RGS20: variants seen among roughly 807,000 people sequenced by gnomAD.
RGS20 encodes gz-selective GTPase-activating protein.
A neutral mutation model predicts 33.6 loss-of-function variants in RGS20; 30 were observed. That is an observed-to-expected ratio of 0.89 (90% CI 0.67 to 1.21). The LOEUF (loss-of-function observed/expected upper bound fraction) is 1.21, where lower values mean the gene tolerates loss of function less well. RGS20 is among the 50% of genes most tolerant of loss of function. The probability of loss-of-function intolerance (pLI) is 0.00; values close to 1 mark genes in which losing one functional copy is unlikely to be tolerated. For missense variants in RGS20, 472 were observed against 502.4 expected (o/e 0.94, Z 0.58); for synonymous variants, 208 against 197.9 (o/e 1.05, Z -0.43).
intron 2 of RGS20, among the ~76,000 whole-genome samples, chr8:53,902,645 C>G (rs141328375): frequency 6.9e-4 from 105 of 152,228 alleles, no homozygotes; most frequent in African/African-American, 2.5e-3. Flanking sequence ...TGCACTGGCT[C>G]ATTACACTGA....
rs113719479 is a variant in RGS20, at chr8:53,870,895, G to A, written c.166-8363G>A. 4.0e-3 allele frequency among the ~76,000 whole-genome samples: 612 copies of A among 151,538 alleles called. 6 individuals are homozygous for A. The highest frequency in any genetic ancestry group is 0.016 in the Admixed American group (237 of 15,232). ...TGGGAGGCTGAGGTAGGTGGTTCAC[G>A]AGCTCAGGAGTTCAAGACCAGCCTG... is the stretch of plus-strand genomic sequence containing the variant. On this transcript the variant is annotated intron_variant, in intron 1 of 5. Transcript: ENST00000297313.
rs532593623 is a variant in RGS20, at chr8:53,880,962, C to T, written c.510+1360C>T. ...GAAAGGCGCGGTGAGCAATCGCCGA[C>T]GTAGAGAGGGCAGCCCTCCGCGCTG... is the stretch of plus-strand genomic sequence containing the variant. On this transcript the variant is annotated intron_variant, in intron 2 of 5. The change creates a new upstream start codon in the 5' untranslated region. Coordinates refer to ENST00000297313, the MANE Select transcript of RGS20 (RefSeq NM_170587.4). The T allele has an allele frequency of 3.2e-6, 5 of 1,577,752 alleles. No homozygotes were observed. Among genetic ancestry groups the T allele is most frequent in the South Asian group, 1.1e-5 (1 of 87,566 alleles).
chr8:53,902,039 T>G (rs1325375606), intron 2 of RGS20, among the ~76,000 whole-genome samples: 3 of 151,934 alleles, frequency 2.0e-5, no homozygotes, highest in Non-Finnish European at 4.4e-5. Context: ...TTTCTTTGAG[T>G]CAGGGTCTCG....
chr8:53,873,678 G>T (rs1237953553), intron 1 of RGS20, among the ~76,000 whole-genome samples: 1 of 152,174 alleles, frequency 6.6e-6, no homozygotes, highest in East Asian at 1.9e-4. Flanking sequence ...ATTCTATGGA[G>T]GGAGCAATAA....
chr8:53,937,933 G>A (rs1313321717), intron 2 of RGS20, among the ~76,000 whole-genome samples: 3 of 152,228 alleles, frequency 2.0e-5, no homozygotes, highest in Non-Finnish European at 4.4e-5. Context: ...TACACTGTTA[G>A]TGGGAGTGTA....
chr8:53,881,145 G>A (rs1048119763), intron 2 of RGS20, 61 bp downstream of exon 1: 2 of 1,298,008 alleles, frequency 1.5e-6, no homozygotes, highest in Non-Finnish European at 2.0e-6. Flanking sequence ...GAGGCTTCGT[G>A]CTGGAAAGTG....
chr8:53,867,658 T>TCTTCCTTCCTTCCTTCCTTCCTTC (rs3083109), intron 1 of RGS20, among the ~76,000 whole-genome samples: 1 of 143,220 alleles, frequency 7.0e-6, no homozygotes, highest in African/African-American at 2.6e-5. Flanking sequence ...ACGGAAGTAG[T>TCTTCCTTCCTTCCTTCCTTCCTTC]CTTCCTTCCT....
intron 2 of RGS20, among the ~76,000 whole-genome samples, chr8:53,907,722 C>T (rs557727413): frequency 3.4e-4 from 52 of 152,198 alleles, no homozygotes; most frequent in African/African-American, 1.2e-3. Flanking sequence ...TCCTGCATCT[C>T]ATGGCTTCTT....
rs3083109 is a variant in RGS20 at position 53,867,658 on chromosome 8, TCTTCCTTCCTTC to T, written c.166-11564_166-11553del. On this transcript the variant is annotated intron_variant, in intron 1 of 5. Transcript: ENST00000297313. Reference sequence around the variant, plus strand: ...GTAAATCCAACCATTACGGAAGTAGTCTTCCTTCCTTCCTTCCTTCCTTCCTTCCTTCCTTCC... The same window carrying T: ...GTAAATCCAACCATTACGGAAGTAGTCTTCCTTCCTTCCTTCCTTCCTTCC... Among the ~76,000 whole-genome samples, 91 of 143,332 alleles carry T rather than the reference TCTTCCTTCCTTC, an allele frequency of 6.3e-4. 2 individuals are homozygous for T. The highest frequency in any genetic ancestry group is 1.4e-3 in the African/African-American group (52 of 38,258). 94.0% of individuals were successfully genotyped at this position (143,332 alleles called of 152,430 possible).
At chr8:53,865,185 G>A (rs368213315) in intron 1 of RGS20, among the ~76,000 whole-genome samples, 16 of 152,342 alleles carry the variant, frequency 1.1e-4, no homozygotes, top group South Asian at 4.1e-4. Context: ...TGTTCTTGCC[G>A]TCTTGTTTGT....
At chr8:53,853,147 T>C (rs912048241) in intron 1 of RGS20, among the ~76,000 whole-genome samples, 3 of 152,146 alleles carry the variant, frequency 2.0e-5, no homozygotes, top group Non-Finnish European at 2.9e-5. Flanking sequence ...AGGCGACACA[T>C]GCAAAAGATA....
chr8:53,853,749 C>T (rs1811616031), intron 1 of RGS20, among the ~76,000 whole-genome samples: 1 of 152,154 alleles, frequency 6.6e-6, no homozygotes. Context: ...TTTCTAGAGA[C>T]TTACTGTGTA....
Position 53,958,306 on chromosome 8 carries a change from A to G in RGS20, c.1015A>G (p.Arg339Gly). The stretch of plus-strand genomic sequence containing the variant: ...CTCCCGGGTGAGAGAAGTGATCAAC[A>G]GAAACATGGTGGAGCCATCCCAACA... Residue 339 changes from arginine to glycine, a missense_variant, in exon 6 of 6, where the codon AGA becomes GGA. Arg to Gly is a moderately radical substitution (Grantham distance 125, BLOSUM62 -2). This residue lies in a region of RGS20 where 125 missense variants were observed against 169.5 expected (regional missense o/e 0.74). Transcript: ENST00000297313. 6.2e-7 allele frequency: 1 copy of G among 1,613,492 alleles called. No individual in the cohort carries two copies. Among genetic ancestry groups the G allele is most frequent in the Admixed American group, 1.7e-5 (1 of 59,930 alleles).
At chr8:53,891,439 C>G (rs1283976283) in intron 2 of RGS20, among the ~76,000 whole-genome samples, 7 of 152,024 alleles carry the variant, frequency 4.6e-5, no homozygotes, top group Non-Finnish European at 1.0e-4. Context: ...GCCAACATAG[C>G]AAAACCTCAT....
intron 1 of RGS20, among the ~76,000 whole-genome samples, chr8:53,864,793 T>C (rs1811885304): frequency 6.6e-6 from 1 of 152,242 alleles, no homozygotes. Context: ...ACTGAAATTG[T>C]TAAAATCTTT....
At chr8:53,946,436 T>G in intron 3 of RGS20, 1 of 524,966 alleles carries the variant, frequency 1.9e-6, no homozygotes, top group Non-Finnish European at 3.4e-6. Flanking sequence ...CACAATAATT[T>G]CTAACTCTTT....
chr8:53,913,939 C>T (rs1053496997), intron 2 of RGS20: 1 of 152,190 alleles, frequency 6.6e-6, no homozygotes, highest in African/African-American at 2.4e-5. Context: ...CGATCACTTA[C>T]TGAGCTCTGG....
At chr8:53,891,134 T>A (rs527245115) in intron 2 of RGS20, among the ~76,000 whole-genome samples, 8 of 152,302 alleles carry the variant, frequency 5.3e-5, no homozygotes, top group Admixed American at 3.9e-4. Flanking sequence ...AGTCCCTTTA[T>A]GTCCACAGCT....
intron 1 of RGS20, chr8:53,852,100 T>G (rs781040801): frequency 8.4e-6 from 13 of 1,555,122 alleles, no homozygotes; most frequent in Non-Finnish European, 1.0e-5. Context: ...TCCTTTCCCG[T>G]CAAGGGAAAG....
Sources: gnomAD v4.1 joint callset for allele counts (sites outside exome capture counted in the v4.1 genomes callset) on GRCh38, gnomAD v4.1.1 for gene constraint, gnomAD v4.1.1 regional missense constraint, MANE v1.5 for transcripts, NCBI Gene and HGNC (gene_info 2026-07-23, HGNC 2026-07-21) for gene names.